PRKD2: variants seen among roughly 807,000 people sequenced by gnomAD.
The protein encoded by PRKD2 is protein kinase D2.
Under a neutral mutation model 86.0 loss-of-function variants are expected in PRKD2, and 22 were observed. The observed-to-expected ratio is 0.26, with a 90% CI of 0.18 to 0.37. PRKD2 has a LOEUF of 0.37. Among genes scored for constraint, PRKD2 ranks in the 10% least tolerant of loss-of-function variants. The probability of loss-of-function intolerance (pLI) is 1.00; values close to 1 mark genes in which losing one functional copy is unlikely to be tolerated. For synonymous variants in PRKD2, 509 were observed against 510.9 expected, an observed-to-expected ratio of 1.00 and a Z score of 0.05; for missense variants, 818 against 1,199.2, an observed-to-expected ratio of 0.68 and a Z score of 4.70.
At chr19:46,697,004 G>A (rs1327032279) in intron 9 of PRKD2, among the ~76,000 whole-genome samples, 153 bp downstream of exon 9, 1 of 152,044 alleles carries the variant, frequency 6.6e-6, no homozygotes, top group Non-Finnish European at 1.5e-5. Flanking sequence ...CGGATGGGCA[G>A]CACTTGCTGA....
chr19:46,710,862 G>A (rs1194955742), intron 3 of PRKD2, 45 bp downstream of exon 3: 2 of 1,516,310 alleles, frequency 1.3e-6, no homozygotes, highest in South Asian at 1.2e-5. Flanking sequence ...CGCCCCCGGT[G>A]CAGAGCCCCG....
intron 1 of PRKD2, chr19:46,714,478 G>GGGGGT (rs1555833007): frequency 2.5e-5 from 1 of 40,808 alleles, no homozygotes; most frequent in Non-Finnish European, 4.1e-5. Context: ...CTGGGAAAGT[G>GGGGGT]GGGGGGGGGG....
rs1203286236 is a variant in PRKD2 at position 46,678,375 on chromosome 19, G to A, written c.2338+21C>T. ...CCACCCCACAACCCACCCGCCCATGGGGTAGGCGGGCCCCAGGCACCTCCA... is the reference window on the plus strand; with the variant it reads ...CCACCCCACAACCCACCCGCCCATGAGGTAGGCGGGCCCCAGGCACCTCCA... On this transcript the variant is annotated intron_variant, in intron 16 of 17. Transcript: ENST00000291281. The surrounding 1 kb of genome is among the most constrained non-coding windows in gnomAD (Gnocchi z 5.7). 6.2e-7 allele frequency: 1 copy of A among 1,612,838 alleles called. No individual in the cohort carries two copies. The highest frequency in any genetic ancestry group is 1.7e-5 in the Admixed American group (1 of 59,894).
chr19:46,710,831 C>G (rs903401453), intron 3 of PRKD2, 76 bp downstream of exon 3: 1 of 1,433,614 alleles, frequency 7.0e-7, no homozygotes, highest in Non-Finnish European at 9.3e-7. Flanking sequence ...ACGCTGTCCC[C>G]GTGCCAGGAC....
intron 14 of PRKD2, among the ~76,000 whole-genome samples, chr19:46,687,712 C>T (rs894915734): frequency 6.6e-6 from 1 of 152,228 alleles, no homozygotes; most frequent in Non-Finnish European, 1.5e-5. Context: ...CCTAGCCCTG[C>T]TCACCTGAGC....
chr19:46,699,102 C>G (rs555449923), intron 7 of PRKD2, among the ~76,000 whole-genome samples: 1 of 152,256 alleles, frequency 6.6e-6, no homozygotes, highest in East Asian at 1.9e-4. Flanking sequence ...CTCGCCCTCC[C>G]TGCTGCAGCT....
At chr19:46,676,913 G>A (rs1218971050) in intron 16 of PRKD2, among the ~76,000 whole-genome samples, 1 of 151,898 alleles carries the variant, frequency 6.6e-6, no homozygotes, top group African/African-American at 2.4e-5. Flanking sequence ...TATAAAACAT[G>A]AGCCAGGCAT....
chr19:46,676,183 C>A (rs915337221), intron 16 of PRKD2, among the ~76,000 whole-genome samples: 1 of 152,020 alleles, frequency 6.6e-6, no homozygotes, highest in Non-Finnish European at 1.5e-5. Context: ...AATCCCAACA[C>A]TTTGGGAGGC....
In PRKD2 at chr19:46,693,473, G is replaced by T. The variant is rs1168777479; in HGVS notation, c.1576+402C>A. The stretch of plus-strand genomic sequence containing the variant: ...TTGTTTTTTCTGTTTTGGAGACAGA[G>T]TCTTGCTCTGTCACCCAGACTGGAG... On this transcript the variant is annotated intron_variant, in intron 10 of 17. Coordinates refer to ENST00000291281, the MANE Select transcript of PRKD2 (RefSeq NM_016457.5). The surrounding 1 kb of genome is among the most constrained non-coding windows in gnomAD (Gnocchi z 4.5). Among the ~76,000 whole-genome samples the T allele has an allele frequency of 6.6e-6, 1 of 152,130 alleles. No homozygotes were observed. The highest frequency in any genetic ancestry group is 2.4e-5 in the African/African-American group (1 of 41,412).
In PRKD2 at chr19:46,690,651, G is replaced by A. The variant is rs2053470354; in HGVS notation, c.1758C>T (p.Arg586=). The A allele has an allele frequency of 6.2e-7, 1 of 1,614,082 alleles. No homozygotes were observed. ...GCTGGCTCTCCTGCTTGGTAGGGAAGCGCAGTTTGTCAATGACCTTAACTG... is the reference window on the plus strand; with the variant it reads ...GCTGGCTCTCCTGCTTGGTAGGGAAACGCAGTTTGTCAATGACCTTAACTG... ...DVAVKVIDKL[R]FPTKQESQLR... Residue 586 remains arginine (R), a synonymous_variant, in exon 13 of 18, where the codon CGC becomes CGT. Coordinates refer to ENST00000291281, the MANE Select transcript of PRKD2 (RefSeq NM_016457.5).
At chr19:46,714,215 G>A in intron 1 of PRKD2, 1 of 1,321,356 alleles carries the variant, frequency 7.6e-7, no homozygotes, top group Non-Finnish European at 9.7e-7. Context: ...GCCGGCGTGG[G>A]TTTGGTGGCT....
At chr19:46,695,971 T>C (rs985562512) in intron 9 of PRKD2, among the ~76,000 whole-genome samples, 1 of 152,136 alleles carries the variant, frequency 6.6e-6, no homozygotes, top group Non-Finnish European at 1.5e-5. Context: ...CCCAAGTAGC[T>C]GGGGTTATAG....
chr19:46,683,066 C>T (rs1422899411), intron 14 of PRKD2, among the ~76,000 whole-genome samples: 3 of 151,674 alleles, frequency 2.0e-5, no homozygotes, highest in African/African-American at 4.8e-5. Context: ...TATCATTCTA[C>T]AGCCTCAAAC....
At chr19:46,713,508 A>T (rs1009764408) in intron 2 of PRKD2, among the ~76,000 whole-genome samples, 4 of 152,170 alleles carry the variant, frequency 2.6e-5, no homozygotes, top group Non-Finnish European at 5.9e-5. Flanking sequence ...AACTGTACAA[A>T]GCGTGTCACT....
At chr19:46,710,693 C>T (rs1196199746) in intron 3 of PRKD2, 13 of 554,682 alleles carry the variant, frequency 2.3e-5, no homozygotes, top group African/African-American at 3.8e-5. Context: ...TCCTAGGCTC[C>T]GCCCCTAGAC....
Position 46,697,864 on chromosome 19 carries a change from G to A in PRKD2, c.1122-14C>T, listed in dbSNP as rs2053583764. 5 of 1,599,638 alleles carry A rather than the reference G, an allele frequency of 3.1e-6. No homozygotes were observed. The highest frequency in any genetic ancestry group is 4.3e-6 in the Non-Finnish European group (5 of 1,167,262). ...TACCCCAGGGAGCTGCGAAGGAAGA[G>A]GAAGGGGTGAGAAGTCACATGCAGA... On this transcript the variant is annotated splice_polypyrimidine_tract_variant and intron_variant, in intron 7 of 17. Transcript: ENST00000291281.
At chr19:46,688,525 C>T (rs1027556053) in intron 14 of PRKD2, among the ~76,000 whole-genome samples, 1 of 151,270 alleles carries the variant, frequency 6.6e-6, no homozygotes, top group African/African-American at 2.4e-5. Flanking sequence ...TAACCTCTGC[C>T]TCCTGGGCTC....
At position 46,704,405 on chromosome 19, in the gene PRKD2, G is replaced by A. The variant is rs1486431232; in HGVS notation, c.667-14C>T. On this transcript the variant is annotated splice_polypyrimidine_tract_variant and intron_variant, in intron 4 of 17. Coordinates refer to ENST00000291281, the MANE Select transcript of PRKD2 (RefSeq NM_016457.5). The stretch of plus-strand genomic sequence containing the variant: ...GGTGCTACGGCTCTGTCGTTGGCAA[G>A]AATGGAGGGGACACATCAGTGCGTT... 1.9e-6 allele frequency: 3 copies of A among 1,613,900 alleles called. No individual in the cohort carries two copies.
rs869150137 is a variant in PRKD2, at chr19:46,702,031, G to GTTTTT, written c.890-924_890-920dup. On this transcript the variant is annotated intron_variant, in intron 5 of 17. Coordinates refer to ENST00000291281, the MANE Select transcript of PRKD2 (RefSeq NM_016457.5). ...TATTTTATGAAGGTTCTATGATTCTGTTTTTTGTTTTTTTTTTTTTTTTTT... is the reference window on the plus strand; with the variant it reads ...TATTTTATGAAGGTTCTATGATTCTGTTTTTTTTTTTGTTTTTTTTTTTTTTTTTT... 4.9e-5 allele frequency among the ~76,000 whole-genome samples: 6 copies of GTTTTT among 122,196 alleles called. 1 individual carries two copies. The highest frequency in any genetic ancestry group is 2.4e-4 in the East Asian group (1 of 4,240). 80.2% of individuals were successfully genotyped at this position (122,196 alleles called of 152,430 possible). A position where few individuals can be genotyped will look rare whatever the true frequency, so the allele number is the denominator to read the frequency against.
Sources: allele counts gnomAD v4.1 joint callset (sites outside exome capture counted in the v4.1 genomes callset), GRCh38; gene constraint gnomAD v4.1.1; non-coding constraint Gnocchi (gnomAD v3.1); transcripts MANE v1.5; gene names NCBI Gene and HGNC (gene_info 2026-07-23, HGNC 2026-07-21).